PAK6: variants seen among roughly 807,000 people sequenced by gnomAD.
The protein encoded by PAK6 is serine/threonine-protein kinase PAK 6.
A neutral mutation model predicts 60.8 loss-of-function variants in PAK6; 33 were observed. The observed-to-expected ratio is 0.54, with a 90% confidence interval of 0.41 to 0.73. The LOEUF (loss-of-function observed/expected upper bound fraction) is 0.73. Ranked by LOEUF, PAK6 falls within the 30% of genes least tolerant of loss-of-function variation. The probability of loss-of-function intolerance (pLI) is 0.00; values close to 1 mark genes in which losing one functional copy is unlikely to be tolerated. For missense variants in PAK6, 845 were observed against 904.1 expected, an observed-to-expected ratio of 0.93 and a Z score of 0.84; for synonymous variants, 404 against 378.5, an observed-to-expected ratio of 1.07 and a Z score of -0.78.
At chr15:40,276,196 C>T (rs1486827445) in exon 11 of PAK6, 31 of 1,156,938 alleles carry the variant, frequency 2.7e-5, no homozygotes, top group Non-Finnish European at 3.6e-5. Flanking sequence ...AGTATTCTCT[C>T]CAAAGATTGA....
chr15:40,264,710 TG>T, intron 3 of PAK6, 70 bp from the exon 4 acceptor site: 6 of 1,364,100 alleles, frequency 4.4e-6, no homozygotes, highest in Non-Finnish European at 6.2e-6. Flanking sequence ...GCCCTGAACC[TG>T]GTGCCCCAGG....
exon 7 of PAK6, chr15:40,272,909 T>A (rs1015738858): frequency 6.2e-7 from 1 of 1,614,062 alleles, no homozygotes; most frequent in Admixed American, 1.7e-5. Flanking sequence ...GTGGTGGAGA[T>A]GTACAAGAGC....
At chr15:40,253,228 G>C (rs1204025660) in exon 3 of PAK6, 2 of 455,976 alleles carry the variant, frequency 4.4e-6, no homozygotes, top group Admixed American at 4.7e-5. Flanking sequence ...TCTCCTCAGC[G>C]CCTAAGAGAG....
chr15:40,254,557 G>A lies in PAK6; in HGVS notation c.-6+1268G>A, dbSNP rs141604830. ...GTTCATGTGTTCATGGGTGACCCTG[G>A]AACCTCAACTGTTGCCTGGGATAGA... On this transcript the variant is annotated intron_variant, in intron 3 of 10. Coordinates refer to ENST00000560346, the Ensembl canonical transcript of PAK6. 3.9e-3 allele frequency among the ~76,000 whole-genome samples: 590 copies of A among 152,262 alleles called. 1 individual carries two copies. Among genetic ancestry groups the A allele is most frequent in the Admixed American group, 6.1e-3 (93 of 15,304 alleles).
intron 7 of PAK6, 136 bp from the exon 8 acceptor site, chr15:40,273,209 TG>T (rs2039358797): frequency 8.3e-7 from 1 of 1,198,276 alleles, no homozygotes; most frequent in Non-Finnish European, 1.2e-6. Flanking sequence ...ACCAGGGCTA[TG>T]GCCTGACTGT....
chr15:40,248,921 A>G (rs1202413541), intron 2 of PAK6, among the ~76,000 whole-genome samples: 1 of 152,228 alleles, frequency 6.6e-6, no homozygotes, highest in African/African-American at 2.4e-5. Flanking sequence ...CTTCCGTTCA[A>G]ATTCCAGCTC....
exon 5 of PAK6, chr15:40,266,194 A>T: frequency 6.2e-7 from 1 of 1,609,538 alleles, no homozygotes. Context: ...GCCGAGTTTC[A>T]GGGTGCCTCG....
At chr15:40,249,597 C>A (rs1294907112) in intron 2 of PAK6, among the ~76,000 whole-genome samples, 1 of 152,196 alleles carries the variant, frequency 6.6e-6, no homozygotes, top group Non-Finnish European at 1.5e-5. Flanking sequence ...AGTAAAAGAG[C>A]TTGTTAGTCG....
At chr15:40,268,443 C>T (rs1262823978) in intron 5 of PAK6, among the ~76,000 whole-genome samples, 2 of 152,326 alleles carry the variant, frequency 1.3e-5, no homozygotes, top group East Asian at 3.9e-4. Flanking sequence ...CATTAAGAAC[C>T]ACTGCCTTAA....
At chr15:40,251,309 T>C (rs990202927) in intron 2 of PAK6, 1 of 152,166 alleles carries the variant, frequency 6.6e-6, no homozygotes, top group African/African-American at 2.4e-5. Flanking sequence ...ATGCTTTCCC[T>C]AGGAAAGCCG....
chr15:40,252,620 AGGTCCCTCCCGCGGAGG>A, intron 2 of PAK6: 2 of 1,344,142 alleles, frequency 1.5e-6, no homozygotes, highest in Non-Finnish European at 2.0e-6. Context: ...TCCCGCGCCG[AGGTCCCTCCCGCGGAGG>A]GCGGGCCCGG....
intron 5 of PAK6, among the ~76,000 whole-genome samples, chr15:40,268,867 C>T (rs1377549289): frequency 6.6e-6 from 1 of 152,212 alleles, no homozygotes; most frequent in African/African-American, 2.4e-5. Context: ...GGATACATGG[C>T]ACCAGTGGGA....
At chr15:40,274,751 C>T (rs923685858) in intron 10 of PAK6, among the ~76,000 whole-genome samples, 2 of 152,240 alleles carry the variant, frequency 1.3e-5, no homozygotes, top group Admixed American at 6.5e-5. Context: ...TAAGCCACAG[C>T]GTTCCCCTTA....
intron 2 of PAK6, among the ~76,000 whole-genome samples, chr15:40,244,428 G>C (rs1036428098): frequency 6.9e-6 from 1 of 144,474 alleles, no homozygotes; most frequent in Non-Finnish European, 1.5e-5. Context: ...ACAGAGTTTC[G>C]CTCTTGTTGC....
exon 11 of PAK6, chr15:40,275,970 G>A (rs778815914): frequency 5.6e-6 from 9 of 1,613,266 alleles, no homozygotes; most frequent in Admixed American, 5.0e-5. Flanking sequence ...ATGCTGGTGC[G>A]GGACCCCCAA....
chr15:40,262,844 G>C (rs746451762), intron 3 of PAK6, among the ~76,000 whole-genome samples: 1 of 151,796 alleles, frequency 6.6e-6, no homozygotes, highest in Non-Finnish European at 1.5e-5. Flanking sequence ...TAACCCCCCT[G>C]GCTCAGATCA....
intron 4 of PAK6, among the ~76,000 whole-genome samples, chr15:40,265,425 G>A (rs77554123): frequency 0.041 from 6,227 of 152,260 alleles, 200 homozygotes; most frequent in Non-Finnish European, 0.053. Context: ...AGGGTTTGGA[G>A]GCTGCGAAGC....
At chr15:40,248,217 C>T (rs369488451) in intron 2 of PAK6, among the ~76,000 whole-genome samples, 142 of 152,308 alleles carry the variant, frequency 9.3e-4, no homozygotes, top group African/African-American at 1.8e-3. Flanking sequence ...TCAGCTCCCT[C>T]GGCTCACACT....
chr15:40,272,879 G>A (rs1273714796), exon 7 of PAK6: 14 of 1,613,782 alleles, frequency 8.7e-6, no homozygotes, highest in Admixed American at 3.3e-5. Flanking sequence ...GTGATCATGC[G>A]GGACTACCAG....
Sources: gnomAD v4.1 joint callset for allele counts (sites outside exome capture counted in the v4.1 genomes callset) on GRCh38, gnomAD v4.1.1 for gene constraint, MANE v1.5 for transcripts, NCBI Gene and HGNC (gene_info 2026-07-23, HGNC 2026-07-21) for gene names.